The following AASS variants were observed in gnomAD, a reference collection of about 807,000 sequenced individuals.
AASS encodes alpha-aminoadipic semialdehyde synthase, mitochondrial.
AASS carries 86 observed loss-of-function variants against 105.4 expected under a neutral mutation model. The ratio of observed to expected loss-of-function variants is 0.82; its 90% CI spans 0.69 to 0.98. AASS has a LOEUF of 0.98. AASS is among the 50% of genes least tolerant of loss of function. The probability of loss-of-function intolerance (pLI) is 0.00; values close to 1 mark genes in which losing one functional copy is unlikely to be tolerated. For synonymous variants in AASS, 381 were observed against 394.8 expected (o/e 0.96, Z 0.41); for missense variants, 1,048 against 1,143.2 (o/e 0.92, Z 1.20).
In AASS at chr7:122,076,167, CCATCTCA is replaced by C. The variant is rs1792993958; in HGVS notation, c.*315_*321del. The C allele has an allele frequency of 3.4e-6, 1 of 297,780 alleles. No individual in the cohort carries two copies. The highest frequency in any genetic ancestry group is 3.1e-5 in the South Asian group (1 of 31,780). 18.4% of individuals were successfully genotyped at this position (297,780 alleles called of 1,614,324 possible). ...CCAGCCTGGGTGACAGAGCGAGACT[CCATCTCA>C]AAAAACAACAACAACAAAAAAAAAA... On this transcript the variant is annotated 3_prime_UTR_variant, in exon 24 of 24. Coordinates refer to ENST00000417368, the MANE Select transcript of AASS (RefSeq NM_005763.4).
chr7:122,095,803 C>T (rs1228944949), intron 15 of AASS, among the ~76,000 whole-genome samples: 2 of 151,988 alleles, frequency 1.3e-5, no homozygotes, highest in African/African-American at 2.4e-5. Context: ...GCAAAATACT[C>T]GCAAAACTAT....
intron 4 of AASS, among the ~76,000 whole-genome samples, chr7:122,122,929 C>T (rs1300449162): frequency 1.3e-5 from 2 of 152,108 alleles, no homozygotes. Flanking sequence ...TCAAAGTAGA[C>T]ATTAGGCTCA....
intron 3 of AASS, among the ~76,000 whole-genome samples, chr7:122,126,783 C>A (rs1004708466): frequency 6.6e-6 from 1 of 152,080 alleles, no homozygotes; most frequent in Non-Finnish European, 1.5e-5. Flanking sequence ...ATGTCTAAAG[C>A]CCCTCTCATC....
intron 1 of AASS, among the ~76,000 whole-genome samples, chr7:122,137,168 C>G (rs561314823): frequency 6.6e-5 from 10 of 152,312 alleles, no homozygotes; most frequent in Admixed American, 3.3e-4. Context: ...ATGCTGAGCA[C>G]TTTATGGATA....
chr7:122,106,221 T>C (rs1794657462), intron 11 of AASS, among the ~76,000 whole-genome samples: 1 of 152,076 alleles, frequency 6.6e-6, no homozygotes, highest in Non-Finnish European at 1.5e-5. Flanking sequence ...TCTTGCCTGA[T>C]TGTTCTGGCC....
chr7:122,109,455 T>C (rs573149800), intron 11 of AASS, among the ~76,000 whole-genome samples: 13 of 152,098 alleles, frequency 8.5e-5, no homozygotes, highest in African/African-American at 3.1e-4. Flanking sequence ...AGCAGACACA[T>C]AAACCAATGG....
intron 12 of AASS, 28 bp downstream of exon 12, chr7:122,101,593 A>C (rs752916133): frequency 6.3e-7 from 1 of 1,590,512 alleles, no homozygotes; most frequent in East Asian, 2.2e-5. Flanking sequence ...AAATACATTT[A>C]TGAAAAAATA....
intron 13 of AASS, among the ~76,000 whole-genome samples, chr7:122,100,809 C>T (rs1029556946): frequency 1.1e-4 from 17 of 151,846 alleles, no homozygotes; most frequent in African/African-American, 3.9e-4. Flanking sequence ...TCTAAAGTAA[C>T]TATTCTCTTG....
intron 11 of AASS, among the ~76,000 whole-genome samples, chr7:122,108,555 G>C (rs183610673): frequency 6.6e-6 from 1 of 152,078 alleles, no homozygotes; most frequent in Non-Finnish European, 1.5e-5. Flanking sequence ...CACATTGACA[G>C]AATGAAGGAC....
intron 1 of AASS, 161 bp from the exon 2 acceptor site, chr7:122,133,902 T>C (rs1796026872): frequency 1.5e-6 from 1 of 673,970 alleles, no homozygotes. Context: ...AGTGTTCCTT[T>C]AAAGCCAAGT....
At chr7:122,112,183 A>G (rs1794972908) in intron 11 of AASS, among the ~76,000 whole-genome samples, 1 of 152,186 alleles carries the variant, frequency 6.6e-6, no homozygotes, top group Non-Finnish European at 1.5e-5. Context: ...TGATGGTAAA[A>G]TGGATTTAAT....
Position 122,101,383 on chromosome 7 carries a change from A to C in AASS, c.1394T>G (p.Leu465Arg). 1 of 1,608,398 alleles carries C rather than the reference A, an allele frequency of 6.2e-7. No homozygotes were observed. The highest frequency in any genetic ancestry group is 8.5e-7 in the Non-Finnish European group (1 of 1,175,380). Residue 465 changes from leucine (L) to arginine (R), a missense_variant, in exon 13 of 24, where the codon CTC (leucine) becomes CGC (arginine). Transcript: ENST00000417368. Reference protein sequence around the residue: ...LPDKYKYIQTLRESRERAQSL... With the variant: ...LPDKYKYIQTRRESRERAQSL... Reference sequence around the variant, plus strand: ...GAACAATACTTACCTGCTCTCCCGGAGTGTCTGGATATATTTATATTTATC... The same window carrying C: ...GAACAATACTTACCTGCTCTCCCGGCGTGTCTGGATATATTTATATTTATC...
rs1182152948 is a variant in AASS, at chr7:122,129,381, A to G, written c.367T>C (p.Leu123=). 1 of 1,609,012 alleles carries G rather than the reference A, an allele frequency of 6.2e-7. No homozygotes were observed. Among genetic ancestry groups the G allele is most frequent in the Non-Finnish European group, 8.5e-7 (1 of 1,177,020 alleles). ...IKAQEANMGL[L]DEILKQEIRL... is the part of the protein sequence containing the mutation. The stretch of plus-strand genomic sequence containing the variant: ...ATTACCTGTTTTAGAATCTCATCCA[A>G]CAAGCCCATATTGGCCTCCTGAGCT... The change falls in exon 3 of 24, where the codon TTG becomes CTG. Residue 123 remains leucine (L), a synonymous_variant. Coordinates refer to ENST00000417368, the MANE Select transcript of AASS (RefSeq NM_005763.4).
chr7:122,113,689 T>G lies in AASS; in HGVS notation c.1075A>C (p.Thr359Pro). ...GTCATAAACTCTATAGACCCTCCTGTGTCAGCTGAAATGTCACATATTGCC... is the reference window on the plus strand; with the variant it reads ...GTCATAAACTCTATAGACCCTCCTGGGTCAGCTGAAATGTCACATATTGCC... The part of the protein sequence containing the change: ...LVAICDISAD[T>P]GGSIEFMTEC... The change falls in exon 10 of 24, where the codon ACA (threonine) becomes CCA (proline). Residue 359 changes from threonine (T) to proline (P), a missense_variant. Coordinates refer to ENST00000417368, the MANE Select transcript of AASS (RefSeq NM_005763.4). 1 of 1,613,456 alleles carries G rather than the reference T, an allele frequency of 6.2e-7. No individual in the cohort carries two copies. Among genetic ancestry groups the G allele is most frequent in the Non-Finnish European group, 8.5e-7 (1 of 1,179,838 alleles).
At chr7:122,128,611 A>T (rs1584892298) in intron 3 of AASS, among the ~76,000 whole-genome samples, 1 of 152,342 alleles carries the variant, frequency 6.6e-6, no homozygotes, top group East Asian at 1.9e-4. Flanking sequence ...GCTTTGTGAA[A>T]ATAAAGATAC....
intron 1 of AASS, among the ~76,000 whole-genome samples, chr7:122,137,423 T>G (rs915202156): frequency 2.0e-5 from 3 of 152,224 alleles, no homozygotes; most frequent in African/African-American, 7.2e-5. Flanking sequence ...CAGATCCATA[T>G]GGCTTTGCCT....
chr7:122,081,675 T>C (rs1793331521), intron 19 of AASS, 80 bp from the exon 20 acceptor site: 1 of 922,186 alleles, frequency 1.1e-6, no homozygotes, highest in Admixed American at 2.0e-5. Context: ...AAAAGAGGGA[T>C]ATATCTTTGT....
At chr7:122,130,743 T>C (rs1300483051) in intron 2 of AASS, among the ~76,000 whole-genome samples, 1 of 151,892 alleles carries the variant, frequency 6.6e-6, no homozygotes, top group Non-Finnish European at 1.5e-5. Flanking sequence ...ATAACAGAGA[T>C]AGTTAAAGGA....
intron 1 of AASS, among the ~76,000 whole-genome samples, chr7:122,137,484 CTT>C (rs1459252652): frequency 3.9e-5 from 6 of 152,172 alleles, no homozygotes; most frequent in African/African-American, 1.4e-4. Flanking sequence ...CCGTGCCTCT[CTT>C]GACCCCTTTT....
Sources: allele counts gnomAD v4.1 joint callset (sites outside exome capture counted in the v4.1 genomes callset), GRCh38; gene constraint gnomAD v4.1.1; transcripts MANE v1.5; gene names NCBI Gene and HGNC (gene_info 2026-07-23, HGNC 2026-07-21).